TENM2: variants seen among roughly 807,000 people sequenced by gnomAD.
TENM2 encodes the protein teneurin-2.
In TENM2, 52 loss-of-function variants were observed where a neutral mutation model predicts 245.2. That is an observed-to-expected ratio of 0.21 (90% CI 0.17 to 0.27). The LOEUF (loss-of-function observed/expected upper bound fraction) is 0.27, where lower values mean the gene tolerates loss of function less well. TENM2 is among the 10% of genes least tolerant of loss of function. The pLI is 1.00. For synonymous variants in TENM2, 1,363 were observed against 1,438.9 expected (o/e 0.95, Z 1.19); for missense variants, 3,046 against 3,666.8 (o/e 0.83, Z 4.37).
At chr5:168,207,642 G>T (rs1278117162) in intron 19 of TENM2, among the ~76,000 whole-genome samples, 1 of 152,182 alleles carries the variant, frequency 6.6e-6, no homozygotes, top group African/African-American at 2.4e-5. Flanking sequence ...CCAGCAGAGG[G>T]AGGGAGGGGG....
the TENM2 span, among the ~76,000 whole-genome samples, chr5:167,052,959 C>G: frequency 7.9e-5 from 12 of 152,018 alleles, no homozygotes; most frequent in Non-Finnish European, 1.5e-4. Context: ...AAATCTAGTC[C>G]AAACTGCCAC....
At chr5:167,385,620 A>T (rs570430978) in intron 2 of TENM2, among the ~76,000 whole-genome samples, 32 of 151,718 alleles carry the variant, frequency 2.1e-4, no homozygotes, top group African/African-American at 7.5e-4. Flanking sequence ...AGCAGTACAC[A>T]CTGCATCCTA....
chr5:167,861,054 A>T (rs1226012572), intron 2 of TENM2, among the ~76,000 whole-genome samples: 2 of 35,318 alleles, frequency 5.7e-5, no homozygotes, highest in Non-Finnish European at 1.7e-4. Context: ...AAAAAAATTA[A>T]AAAAAAAAAA....
intron 3 of TENM2, among the ~76,000 whole-genome samples, chr5:167,879,273 C>G (rs919363570): frequency 3.3e-5 from 5 of 152,138 alleles, no homozygotes; most frequent in Non-Finnish European, 5.9e-5. Flanking sequence ...TCAAATTGCT[C>G]TAACCCTCAA....
At chr5:167,848,458 T>G (rs1443111592) in intron 2 of TENM2, among the ~76,000 whole-genome samples, 2 of 152,144 alleles carry the variant, frequency 1.3e-5, no homozygotes, top group East Asian at 3.8e-4. Flanking sequence ...ATAAAACATA[T>G]TATATATTTT....
chr5:167,738,598 G>A (rs974232368), intron 2 of TENM2, among the ~76,000 whole-genome samples: 1 of 152,066 alleles, frequency 6.6e-6, no homozygotes, highest in East Asian at 1.9e-4. Context: ...TATTTTTCTA[G>A]GGATACCATA....
At chr5:167,093,005 G>A in the TENM2 span, among the ~76,000 whole-genome samples, 1 of 151,976 alleles carries the variant, frequency 6.6e-6, no homozygotes, top group East Asian at 1.9e-4. Flanking sequence ...ACTTTATCGG[G>A]GTCTCCAGAG....
intron 4 of TENM2, among the ~76,000 whole-genome samples, chr5:167,989,350 A>G (rs1783499077): frequency 6.6e-6 from 1 of 152,154 alleles, no homozygotes; most frequent in South Asian, 2.1e-4. Flanking sequence ...GTTAGAATAG[A>G]TTCCCCAGGT....
chr5:168,183,628 T>A (rs747980172), intron 13 of TENM2, among the ~76,000 whole-genome samples: 16 of 152,290 alleles, frequency 1.1e-4, no homozygotes, highest in Non-Finnish European at 2.2e-4. Flanking sequence ...GATTTCATCT[T>A]TCTTGCCCCA....
the TENM2 span, among the ~76,000 whole-genome samples, chr5:167,145,250 CA>C: frequency 1.3e-5 from 2 of 152,114 alleles, no homozygotes; most frequent in Non-Finnish European, 2.9e-5. Context: ...GGCTATTACT[CA>C]ATCAGCGCAG....
intron 9 of TENM2, among the ~76,000 whole-genome samples, chr5:168,100,488 T>G (rs940283779): frequency 3.3e-5 from 5 of 152,168 alleles, no homozygotes; most frequent in Non-Finnish European, 5.9e-5. Context: ...CCAACCCAAA[T>G]GCCCATCAAT....
At chr5:167,176,951 A>C in the TENM2 span, among the ~76,000 whole-genome samples, 4 of 152,162 alleles carry the variant, frequency 2.6e-5, no homozygotes, top group Non-Finnish European at 5.9e-5. Flanking sequence ...TGACCTGAGA[A>C]TTTTATCTGG....
At chr5:167,985,457 CT>C in intron 4 of TENM2, among the ~76,000 whole-genome samples, 1 of 152,318 alleles carries the variant, frequency 6.6e-6, no homozygotes, top group East Asian at 1.9e-4. Flanking sequence ...CCATTTAAGA[CT>C]TTTGCTGTAT....
intron 2 of TENM2, among the ~76,000 whole-genome samples, chr5:167,725,329 G>GT (rs955994629): frequency 1.3e-5 from 2 of 152,084 alleles, no homozygotes; most frequent in Non-Finnish European, 2.9e-5. Context: ...CTAAACATAT[G>GT]TATGTATAGA....
intron 5 of TENM2, among the ~76,000 whole-genome samples, chr5:168,019,975 T>C (rs1359694067): frequency 6.6e-6 from 1 of 152,198 alleles, no homozygotes; most frequent in East Asian, 1.9e-4. Context: ...ATAACCTTAG[T>C]TGGGCTTTAG....
chr5:167,725,942 TC>T (rs1759973170), intron 2 of TENM2, among the ~76,000 whole-genome samples: 1 of 152,142 alleles, frequency 6.6e-6, no homozygotes, highest in South Asian at 2.1e-4. Flanking sequence ...AGGGCTGCAC[TC>T]CACAAACCCC....
intron 2 of TENM2, among the ~76,000 whole-genome samples, chr5:167,579,461 C>T (rs1202332566): frequency 6.6e-6 from 1 of 152,190 alleles, no homozygotes; most frequent in Non-Finnish European, 1.5e-5. Flanking sequence ...TTGTTAGGCA[C>T]CAACCACATT....
exon 15 of TENM2, chr5:168,195,203 A>G (rs1212511795): frequency 6.2e-7 from 1 of 1,607,214 alleles, no homozygotes. Flanking sequence ...GAGGCCAAGT[A>G]GTAACTACAG....
chr5:167,931,245 A>C (rs1457534634), intron 3 of TENM2, among the ~76,000 whole-genome samples: 35 of 152,232 alleles, frequency 2.3e-4, no homozygotes, highest in Admixed American at 2.3e-3. Flanking sequence ...CCTGCTATGC[A>C]AACAGATATA....
Sources: gnomAD v4.1 joint callset for allele counts (sites outside exome capture counted in the v4.1 genomes callset) on GRCh38, gnomAD v4.1.1 for gene constraint, MANE v1.5 for transcripts, NCBI Gene and HGNC (gene_info 2026-07-23, HGNC 2026-07-21) for gene names.